The following BAZ2B variants were observed in gnomAD, a reference collection of about 807,000 sequenced individuals.
The protein encoded by BAZ2B is bromodomain adjacent to zinc finger domain protein 2B.
In BAZ2B, 91 loss-of-function variants were observed where a neutral mutation model predicts 246.0. The ratio of observed to expected loss-of-function variants is 0.37; its 90% CI spans 0.31 to 0.44. BAZ2B has a LOEUF of 0.44. Ranked by LOEUF, BAZ2B falls within the 20% of genes least tolerant of loss-of-function variation. The probability of loss-of-function intolerance (pLI) is 1.00; values close to 1 mark genes in which losing one functional copy is unlikely to be tolerated. For missense variants in BAZ2B, 2,332 were observed against 2,533.7 expected (o/e 0.92, Z 1.71); for synonymous variants, 855 against 860.0 (o/e 0.99, Z 0.10).
At chr2:159,417,399 G>A in intron 13 of BAZ2B, among the ~76,000 whole-genome samples, 1 of 152,112 alleles carries the variant, frequency 6.6e-6, no homozygotes, top group South Asian at 2.1e-4. Flanking sequence ...TTGAACTCCT[G>A]ACCTCAGGTG....
the BAZ2B span, among the ~76,000 whole-genome samples, chr2:159,664,895 G>T: frequency 1.3e-5 from 2 of 150,204 alleles, no homozygotes; most frequent in Admixed American, 1.3e-4. Context: ...GATCCCATTT[G>T]TCAATTTTGG....
At chr2:159,438,280 T>C in intron 8 of BAZ2B, 23 bp downstream of exon 8, 3 of 1,587,860 alleles carry the variant, frequency 1.9e-6, no homozygotes, top group Non-Finnish European at 2.6e-6. Context: ...GTAAAATTCT[T>C]GTATAAATAA....
chr2:159,450,833 G>A (rs918366865), intron 4 of BAZ2B, among the ~76,000 whole-genome samples: 2 of 151,160 alleles, frequency 1.3e-5, no homozygotes, highest in East Asian at 1.9e-4. Flanking sequence ...TCCATCTCCC[G>A]GATTCAAGTG....
At chr2:159,427,460 C>CA (rs908839055) in intron 13 of BAZ2B, among the ~76,000 whole-genome samples, 12 of 150,932 alleles carry the variant, frequency 8.0e-5, no homozygotes, top group Admixed American at 2.0e-4. Flanking sequence ...TAAGAAATGA[C>CA]AAAAAAAAAC....
At chr2:159,662,823 C>T in the BAZ2B span, among the ~76,000 whole-genome samples, 3 of 152,090 alleles carry the variant, frequency 2.0e-5, no homozygotes, top group East Asian at 1.9e-4. Flanking sequence ...TGAGCCACTG[C>T]GCCCAGCCCT....
At chr2:159,634,175 A>G in the BAZ2B span, among the ~76,000 whole-genome samples, 3 of 152,228 alleles carry the variant, frequency 2.0e-5, no homozygotes, top group East Asian at 3.9e-4. Flanking sequence ...TAGGAATAGC[A>G]CAGTGTGAGA....
At chr2:159,586,856 G>T (rs936946154) in intron 1 of BAZ2B, among the ~76,000 whole-genome samples, 6 of 151,982 alleles carry the variant, frequency 3.9e-5, no homozygotes, top group Non-Finnish European at 5.9e-5. Flanking sequence ...CTAAAATTTA[G>T]ATTTTCCACT....
chr2:159,519,205 A>ATTTTT (rs2083771094), intron 2 of BAZ2B, among the ~76,000 whole-genome samples: 3 of 56,488 alleles, frequency 5.3e-5, no homozygotes, highest in African/African-American at 1.3e-4. Context: ...TTCATATTCT[A>ATTTTT]TTTTCTTTTT....
chr2:159,631,462 T>C, the BAZ2B span, among the ~76,000 whole-genome samples: 15 of 152,236 alleles, frequency 9.9e-5, 1 homozygote, highest in East Asian at 2.9e-3. Context: ...AAAAATTCCA[T>C]GAAGCAATGG....
At chr2:159,704,382 T>A in the BAZ2B span, among the ~76,000 whole-genome samples, 1 of 152,188 alleles carries the variant, frequency 6.6e-6, no homozygotes. Context: ...ATGCACTGCA[T>A]AATGCAAAAT....
intron 2 of BAZ2B, among the ~76,000 whole-genome samples, chr2:159,536,007 T>C (rs977055949): frequency 2.6e-5 from 4 of 152,220 alleles, no homozygotes; most frequent in Admixed American, 1.3e-4. Flanking sequence ...GAATAATTAA[T>C]AGAAAGTAAC....
At chr2:159,372,524 T>C (rs888476536) in intron 27 of BAZ2B, among the ~76,000 whole-genome samples, 3 of 152,034 alleles carry the variant, frequency 2.0e-5, no homozygotes, top group Non-Finnish European at 4.4e-5. Context: ...AATCTAAAGG[T>C]AGAATATCAT....
intron 1 of BAZ2B, among the ~76,000 whole-genome samples, chr2:159,568,372 G>T (rs961490415): frequency 3.3e-5 from 5 of 151,968 alleles, no homozygotes; most frequent in Admixed American, 1.3e-4. Context: ...ATTATAGCTT[G>T]AAAAAGAAAA....
intron 31 of BAZ2B, among the ~76,000 whole-genome samples, chr2:159,338,942 T>C (rs538648122): frequency 1.3e-5 from 2 of 152,190 alleles, no homozygotes; most frequent in African/African-American, 2.4e-5. Context: ...CTCCCTATTA[T>C]ATGACAAGCT....
intron 1 of BAZ2B, among the ~76,000 whole-genome samples, chr2:159,592,152 A>C (rs1689546814): frequency 6.6e-6 from 1 of 152,168 alleles, no homozygotes; most frequent in Non-Finnish European, 1.5e-5. Flanking sequence ...AAGAAAAAAA[A>C]AAGAAATAAA....
At chr2:159,344,680 C>T (rs2067438489) in intron 31 of BAZ2B, among the ~76,000 whole-genome samples, 1 of 151,950 alleles carries the variant, frequency 6.6e-6, no homozygotes, top group South Asian at 2.1e-4. Context: ...CAACAGAATG[C>T]TATACAACCA....
At chr2:159,446,566 GA>G (rs2074281797) in intron 6 of BAZ2B, among the ~76,000 whole-genome samples, 1 of 152,114 alleles carries the variant, frequency 6.6e-6, no homozygotes. Context: ...AAAGCAATTA[GA>G]GCAGAGCTGA....
At position 159,563,918 on chromosome 2, in the gene BAZ2B, T is replaced by A. The variant is rs554017433; in HGVS notation, c.-45-8053A>T. On this transcript the variant is annotated intron_variant, in intron 1 of 36. Transcript: ENST00000392783. ...TTCACTCATTAAGACATGAATCGAA[T>A]AATTCTTTTGTTCATTCAGTAAATA... Among the ~76,000 whole-genome samples the A allele has an allele frequency of 1.6e-4, 24 of 152,324 alleles. No individual in the cohort carries two copies. The East Asian group carries it at 4.6e-3, about 29-fold the overall frequency.
At chr2:159,623,267 G>A in the BAZ2B span, among the ~76,000 whole-genome samples, 1 of 151,924 alleles carries the variant, frequency 6.6e-6, no homozygotes, top group African/African-American at 2.4e-5. Flanking sequence ...GTACTTGGGA[G>A]GTTAACATAA....
Sources: allele counts gnomAD v4.1 joint callset (sites outside exome capture counted in the v4.1 genomes callset), GRCh38; gene constraint gnomAD v4.1.1; transcripts MANE v1.5; gene names NCBI Gene and HGNC (gene_info 2026-07-23, HGNC 2026-07-21).